ITM2A: variants seen among roughly 807,000 people sequenced by gnomAD.
The protein encoded by ITM2A is integral membrane protein 2A, also known as BRICHOS domain containing 2A.
ITM2A carries 11 observed loss-of-function variants against 16.6 expected under a neutral mutation model. The observed-to-expected ratio is 0.66, with a 90% confidence interval of 0.42 to 1.10. The LOEUF (loss-of-function observed/expected upper bound fraction) is 1.10, where lower values mean the gene tolerates loss of function less well. Among genes scored for constraint, ITM2A ranks in the 50% least tolerant of loss-of-function variants. The pLI, the probability that ITM2A is intolerant of heterozygous loss-of-function variation, is 0.00. For synonymous variants in ITM2A, 102 were observed against 71.2 expected, an observed-to-expected ratio of 1.43 and a Z score of -2.18; for missense variants, 243 against 206.8, an observed-to-expected ratio of 1.17 and a Z score of -1.07.
At position 79,363,270 on chromosome X, in the gene ITM2A, T is replaced by C. The variant is rs1925488428; in HGVS notation, c.244-131A>G. 11 of 736,797 alleles carry C rather than the reference T, an allele frequency of 1.5e-5. No individual in the cohort carries two copies. In the South Asian group the frequency reaches 2.7e-4, roughly 18 times the overall value. The allele number at this position is 736,797 out of a possible 1,213,427, so 60.7% of individuals were successfully genotyped here. ...GGCTTGTTGACTACAGTTATCACAATGAAGACAAATCAATTTTATGAACTG... is the reference window on the plus strand; with the variant it reads ...GGCTTGTTGACTACAGTTATCACAACGAAGACAAATCAATTTTATGAACTG... On this transcript the variant is annotated intron_variant, in intron 2 of 5. Coordinates refer to ENST00000373298, the MANE Select transcript of ITM2A (RefSeq NM_004867.5).
chrX:79,366,189 C>G (rs779926043), intron 1 of ITM2A, among the ~76,000 whole-genome samples: 7 of 111,346 alleles, frequency 6.3e-5, no homozygotes, highest in Admixed American at 3.8e-4. Context: ...AGAAATAGGA[C>G]TAAATAAATA....
At position 79,367,270 on chromosome X, in the gene ITM2A, C is replaced by T. The variant is rs1018394674; in HGVS notation, c.-55G>A. The T allele has an allele frequency of 1.3e-4, 106 of 833,893 alleles. No homozygotes were observed. Among genetic ancestry groups the T allele is most frequent in the Non-Finnish European group, 1.8e-4 (104 of 573,796 alleles). 68.7% of individuals were successfully genotyped at this position (833,893 alleles called of 1,213,427 possible). On this transcript the variant is annotated 5_prime_UTR_variant, in exon 1 of 6. Transcript: ENST00000373298. ...CTGCTGGAATCAGCGTCCTGGGCTG[C>T]AGACTGCAAGAGGAGATCCTGTTAG...
At position 79,367,098 on chromosome X, in the gene ITM2A, C is replaced by T. The variant is rs774664734; in HGVS notation, c.111+7G>A. ...ACCCCTCCCCCATCCCGCCCTGGGA[C>T]AGCTACCTTGCCGGTCAGTATCTGA... On this transcript the variant is annotated splice_region_variant and intron_variant, in intron 1 of 5. Coordinates refer to ENST00000373298, the MANE Select transcript of ITM2A (RefSeq NM_004867.5). The T allele has an allele frequency of 1.2e-5, 14 of 1,165,530 alleles. No homozygotes were observed. The South Asian group carries it at 2.6e-4, about 22-fold the overall frequency.
At chrX:79,362,743 C>G (rs375471152) in intron 3 of ITM2A, 52 bp from the exon 4 acceptor site, 5 of 891,137 alleles carry the variant, frequency 5.6e-6, no homozygotes, top group Non-Finnish European at 8.1e-6. Context: ...ATTAACATTG[C>G]GAATTTTCCA....
intron 4 of ITM2A, among the ~76,000 whole-genome samples, chrX:79,361,862 A>AT (rs77763322): frequency 9.8e-5 from 9 of 91,439 alleles, no homozygotes; most frequent in South Asian, 5.6e-4. Context: ...TTTTTTTGTG[A>AT]TTTTTTTTTT....
rs781097959 is a variant in ITM2A at position 79,361,346 on chromosome X, C to A, written c.686G>T (p.Arg229Leu). Residue 229 changes from arginine (R) to leucine (L), a missense_variant, in exon 5 of 6, where the codon CGC becomes CTC. Arg to Leu is a moderately radical substitution (Grantham distance 102). Transcript: ENST00000373298. Reference protein sequence around the residue: ...CNNRKSFRLRRRDLLLGFNKR... With the variant: ...CNNRKSFRLRLRDLLLGFNKR... ...TTACTTACCCAGCAAGAGGTCTCTG[C>A]GACGAAGGCGGAAGGACTTTCTGTT... 1.7e-6 allele frequency: 2 copies of A among 1,206,708 alleles called. No homozygotes were observed. Among genetic ancestry groups the A allele is most frequent in the East Asian group, 3.0e-5 (1 of 33,755 alleles).
At chrX:79,363,261 T>C in intron 2 of ITM2A, 122 bp from the exon 3 acceptor site, 1 of 743,462 alleles carries the variant, frequency 1.3e-6, no homozygotes, top group Admixed American at 3.4e-5. Flanking sequence ...TTGACTACAG[T>C]TATCACAATG....
At chrX:79,361,760 A>T (rs1169599698) in intron 4 of ITM2A, among the ~76,000 whole-genome samples, 1 of 110,647 alleles carries the variant, frequency 9.0e-6, no homozygotes, top group Non-Finnish European at 1.9e-5. Context: ...AAGTGAGAAC[A>T]TACGGTATTT....
At chrX:79,366,990 A>G in intron 1 of ITM2A, 115 bp downstream of exon 1, 1 of 510,821 alleles carries the variant, frequency 2.0e-6, no homozygotes, top group South Asian at 3.1e-5. Flanking sequence ...GGTAAACCCC[A>G]GAGACAGCGT....
chrX:79,365,382 G>A lies in ITM2A; in HGVS notation c.111+1723C>T, dbSNP rs900136271. ...AGCTAATTTCTCTTGGAACTCTTTCGAAGTGATTGTACACTATGTCTGACA... is the reference window on the plus strand; with the variant it reads ...AGCTAATTTCTCTTGGAACTCTTTCAAAGTGATTGTACACTATGTCTGACA... On this transcript the variant is annotated intron_variant, in intron 1 of 5. Coordinates refer to ENST00000373298, the MANE Select transcript of ITM2A (RefSeq NM_004867.5). Among the ~76,000 whole-genome samples the A allele has an allele frequency of 6.3e-5, 7 of 111,325 alleles. 1 individual carries two copies. The highest frequency in any genetic ancestry group is 1.3e-4 in the Non-Finnish European group (7 of 52,983).
chrX:79,361,578 G>T, intron 4 of ITM2A, 99 bp from the exon 5 acceptor site: 1 of 677,966 alleles, frequency 1.5e-6, no homozygotes, highest in Non-Finnish European at 2.2e-6. Flanking sequence ...AAGTAAAGTT[G>T]TGTCATGGGG....
rs777529784 is a variant in ITM2A at position 79,363,551 on chromosome X, G to C, written c.115C>G (p.Leu39Val). Residue 39 changes from leucine (L) to valine (V), a missense_variant, in exon 2 of 6, where the codon CTC becomes GTC. By Grantham distance (32) the Leu-to-Val change is conservative (BLOSUM62 1). Coordinates refer to ENST00000373298, the MANE Select transcript of ITM2A (RefSeq NM_004867.5). The stretch of plus-strand genomic sequence containing the variant: ...TCTTTTTCCTGGGTGGCAACTCGGA[G>C]CTCCTATTTATTAAAAAGCAAAACC... ...VRTQILTGKE[L>V]RVATQEKEGS... is the part of the protein sequence containing the mutation. The C allele has an allele frequency of 1.4e-5, 16 of 1,169,455 alleles. No homozygotes were observed. Among genetic ancestry groups the C allele is most frequent in the Non-Finnish European group, 1.8e-5 (16 of 875,511 alleles).
At chrX:79,364,342 C>G (rs1330149447) in intron 1 of ITM2A, among the ~76,000 whole-genome samples, 3 of 111,981 alleles carry the variant, frequency 2.7e-5, no homozygotes, top group Non-Finnish European at 5.6e-5. Flanking sequence ...GGGTGAAACA[C>G]TTGATTTTGA....
intron 3 of ITM2A, 25 bp from the exon 4 acceptor site, chrX:79,362,716 G>C (rs369176321): frequency 2.3e-5 from 24 of 1,058,124 alleles, no homozygotes; most frequent in Non-Finnish European, 3.0e-5. Context: ...AAAAAAGTCA[G>C]GTAAGACACA....
chrX:79,360,977 C>A lies in ITM2A; in HGVS notation c.*112G>T. The A allele has an allele frequency of 2.8e-6, 1 of 359,499 alleles. No homozygotes were observed. The highest frequency in any genetic ancestry group is 4.7e-6 in the Non-Finnish European group (1 of 214,573). 29.6% of individuals were successfully genotyped at this position (359,499 alleles called of 1,213,427 possible). On this transcript the variant is annotated 3_prime_UTR_variant, in exon 6 of 6. Coordinates refer to ENST00000373298, the MANE Select transcript of ITM2A (RefSeq NM_004867.5). The stretch of plus-strand genomic sequence containing the variant: ...TTTTTTCCTTTTTTTAAAGCATAAG[C>A]AATAGAGTAAATGCATGAGTAAATA...
chrX:79,364,715 C>T (rs1343396780), intron 1 of ITM2A, among the ~76,000 whole-genome samples: 1 of 111,733 alleles, frequency 8.9e-6, no homozygotes, highest in Non-Finnish European at 1.9e-5. Flanking sequence ...AGCTAACTAA[C>T]CTTAAATTCA....
chrX:79,364,982 A>T (rs1925530624), intron 1 of ITM2A, among the ~76,000 whole-genome samples: 1 of 110,422 alleles, frequency 9.1e-6, no homozygotes, highest in African/African-American at 3.3e-5. Context: ...CTAAACTAAG[A>T]TTAGCACTAC....
At chrX:79,365,991 T>G (rs1602222764) in intron 1 of ITM2A, among the ~76,000 whole-genome samples, 1 of 112,416 alleles carries the variant, frequency 8.9e-6, no homozygotes, top group East Asian at 2.8e-4. Flanking sequence ...AAGGACTTTT[T>G]ATATCTCCAC....
intron 1 of ITM2A, among the ~76,000 whole-genome samples, chrX:79,365,284 C>T (rs1467961029): frequency 9.0e-6 from 1 of 111,553 alleles, no homozygotes; most frequent in Non-Finnish European, 1.9e-5. Flanking sequence ...GATGTTACAT[C>T]CTAGAAATAA....
Sources: allele counts gnomAD v4.1 joint callset (sites outside exome capture counted in the v4.1 genomes callset), GRCh38; gene constraint gnomAD v4.1.1; transcripts MANE v1.5; gene names NCBI Gene and HGNC (gene_info 2026-07-23, HGNC 2026-07-21).